The following PRAM1 variants were observed in gnomAD, a reference collection of about 807,000 sequenced individuals.
PRAM1 encodes PML-RARA regulated adaptor molecule 1.
Under a neutral mutation model 55.3 loss-of-function variants are expected in PRAM1, and 41 were observed. That is an observed-to-expected ratio of 0.74 (90% CI 0.58 to 0.96). PRAM1 has a LOEUF of 0.96. PRAM1 is among the 40% of genes least tolerant of loss of function. The probability of loss-of-function intolerance (pLI) is 0.00; values close to 1 mark genes in which losing one functional copy is unlikely to be tolerated. For missense variants in PRAM1, 898 were observed against 892.7 expected, an observed-to-expected ratio of 1.01 and a Z score of -0.08; for synonymous variants, 401 against 387.1, an observed-to-expected ratio of 1.04 and a Z score of -0.42.
At chr19:8,497,116 T>G (rs1291361473) in intron 4 of PRAM1, among the ~76,000 whole-genome samples, 2 of 151,522 alleles carry the variant, frequency 1.3e-5, no homozygotes, top group Non-Finnish European at 2.9e-5. Flanking sequence ...GGCGGCTCTG[T>G]CATGCCCTTG....
rs200799156 is a variant in PRAM1 at position 8,499,489 on chromosome 19, G to T, written c.319C>A (p.Pro107Thr). The T allele has an allele frequency of 1.3e-6, 2 of 1,596,554 alleles. No individual in the cohort carries two copies. Among genetic ancestry groups the T allele is most frequent in the East Asian group, 2.2e-5 (1 of 44,772 alleles). ...AGGTCAGTGACCTCAGGCGGCGGGG[G>T]CTTCTTGGGGAGGTCAGTGACCTCA... Reference protein sequence around the residue: ...PPEVTDLPKKPPPPEVTDLPK... With the variant: ...PPEVTDLPKKTPPPEVTDLPK... Residue 107 changes from proline (P) to threonine (T), a missense_variant, in exon 2 of 10, where the codon CCC (proline) becomes ACC (threonine). This residue lies in a region of PRAM1 where 30 missense variants were observed against 44.6 expected (regional missense o/e 0.67). Transcript: ENST00000423345.
chr19:8,496,311 G>T (rs1281935497), intron 4 of PRAM1, among the ~76,000 whole-genome samples: 1 of 152,176 alleles, frequency 6.6e-6, no homozygotes, highest in Non-Finnish European at 1.5e-5. Context: ...CTACTTGGGA[G>T]GCTGAGGCAG....
chr19:8,498,344 C>A, intron 2 of PRAM1, 32 bp downstream of exon 2: 1 of 1,588,830 alleles, frequency 6.3e-7, no homozygotes, highest in Non-Finnish European at 8.6e-7. Context: ...CCTCAGCCCC[C>A]GCTCCTGCCG....
rs1443187531 is a variant in PRAM1 at position 8,498,451 on chromosome 19, G to T, written c.1357C>A (p.Pro453Thr). The T allele has an allele frequency of 1.9e-6, 3 of 1,583,606 alleles. No homozygotes were observed. Among genetic ancestry groups the T allele is most frequent in the Non-Finnish European group, 2.6e-6 (3 of 1,164,738 alleles). ...GGGGGCAGCGGGGGCTTGGCTGGAGGGTGTCCCAGGCTGCTGGCAGGGGGC... is the reference window on the plus strand; with the variant it reads ...GGGGGCAGCGGGGGCTTGGCTGGAGTGTGTCCCAGGCTGCTGGCAGGGGGC... ...PLPPASSLGH[P>T]PAKPPLPPGP... Residue 453 changes from proline (P) to threonine (T), a missense_variant, in exon 2 of 10, where the codon CCT becomes ACT. This residue lies in a region of PRAM1 where 787 missense variants were observed against 735.4 expected (regional missense o/e 1.07). Coordinates refer to ENST00000423345, the MANE Select transcript of PRAM1 (RefSeq NM_032152.5).
intron 4 of PRAM1, among the ~76,000 whole-genome samples, chr19:8,494,488 G>A (rs936566143): frequency 6.6e-6 from 1 of 152,180 alleles, no homozygotes; most frequent in Non-Finnish European, 1.5e-5. Flanking sequence ...CAGGCCCTCT[G>A]AGGCTGTCAG....
chr19:8,492,954 G>A (rs553891132), intron 4 of PRAM1, among the ~76,000 whole-genome samples: 6 of 152,250 alleles, frequency 3.9e-5, no homozygotes, highest in Admixed American at 6.5e-5. Flanking sequence ...TCAAGATGGC[G>A]CCGCTGCACT....
chr19:8,490,286 G>GC lies in PRAM1; in HGVS notation c.1975+51dup. The GC allele has an allele frequency of 1.9e-6, 3 of 1,613,614 alleles. No individual in the cohort carries two copies. Among genetic ancestry groups the GC allele is most frequent in the Non-Finnish European group, 2.5e-6 (3 of 1,179,730 alleles). ...CCCCAGAAGCCCAATAGTGAGCAGCGCCCCCGGGGAATCGCCAGGGTCCCT... is the reference window on the plus strand; with the variant it reads ...CCCCAGAAGCCCAATAGTGAGCAGCGCCCCCCGGGGAATCGCCAGGGTCCCT... On this transcript the variant is annotated intron_variant, in intron 9 of 9. Transcript: ENST00000423345. The surrounding 1 kb of genome is among the most constrained non-coding windows in gnomAD (Gnocchi z 7.3).
chr19:8,495,741 G>C (rs1387562786), intron 4 of PRAM1, among the ~76,000 whole-genome samples: 1 of 151,282 alleles, frequency 6.6e-6, no homozygotes, highest in Non-Finnish European at 1.5e-5. Flanking sequence ...GCAGGGAGTG[G>C]AGCGTACAGA....
intron 4 of PRAM1, chr19:8,491,445 C>T: frequency 2.0e-6 from 1 of 507,948 alleles, no homozygotes; most frequent in South Asian, 2.1e-5. Context: ...GTGGGCCAGG[C>T]TGGTCTTGAA....
At position 8,490,518 on chromosome 19, in the gene PRAM1, A is replaced by G. The variant is rs1391033871; in HGVS notation, c.1907-9T>C. 6.2e-7 allele frequency: 1 copy of G among 1,609,900 alleles called. No homozygotes were observed. Among genetic ancestry groups the G allele is most frequent in the Non-Finnish European group, 8.5e-7 (1 of 1,178,394 alleles). ...TCTGGGCACGTAGCCATCTGTGGAG[A>G]GAGTGGGCATGGTGGGTTCTGAGGC... On this transcript the variant is annotated splice_polypyrimidine_tract_variant and intron_variant, in intron 7 of 9. Coordinates refer to ENST00000423345, the MANE Select transcript of PRAM1 (RefSeq NM_032152.5). The surrounding 1 kb of genome is among the most constrained non-coding windows in gnomAD (Gnocchi z 7.3).
At chr19:8,497,109 G>A (rs757679221) in intron 4 of PRAM1, among the ~76,000 whole-genome samples, 2 of 151,872 alleles carry the variant, frequency 1.3e-5, no homozygotes, top group South Asian at 4.2e-4. Context: ...ACCCAGGGGC[G>A]GCTCTGTCAT....
rs1971654722 is a variant in PRAM1 at position 8,493,319 on chromosome 19, G to T, written c.1577-2162C>A. Among the ~76,000 whole-genome samples, 2 of 152,196 alleles carry T rather than the reference G, an allele frequency of 1.3e-5. No individual in the cohort carries two copies. Among genetic ancestry groups the T allele is most frequent in the South Asian group, 2.1e-4 (1 of 4,828 alleles). On this transcript the variant is annotated intron_variant, in intron 4 of 9. Transcript: ENST00000423345. This position sits in a 1 kb window ranked among gnomAD's most constrained non-coding sequence, Gnocchi z 4.1. Reference sequence around the variant, plus strand: ...GCCCAAGGAGCAGCACCTGAATCGTGCCCGCCAGATACCAGGCATGGCCAT... The same window carrying T: ...GCCCAAGGAGCAGCACCTGAATCGTTCCCGCCAGATACCAGGCATGGCCAT...
chr19:8,495,210 C>T (rs1971682108), intron 4 of PRAM1, among the ~76,000 whole-genome samples: 1 of 152,164 alleles, frequency 6.6e-6, no homozygotes, highest in African/African-American at 2.4e-5. Flanking sequence ...CGCGATTCTC[C>T]TGCCTCAGCT....
chr19:8,495,075 G>T (rs1438509470), intron 4 of PRAM1, among the ~76,000 whole-genome samples: 1 of 151,922 alleles, frequency 6.6e-6, no homozygotes. Flanking sequence ...GAATAGCTGG[G>T]ATGACAGGTG....
Position 8,491,008 on chromosome 19 carries a change from A to G in PRAM1, c.1635-13T>C. The G allele has an allele frequency of 6.2e-7, 1 of 1,613,186 alleles. No homozygotes were observed. Among genetic ancestry groups the G allele is most frequent in the Non-Finnish European group, 8.5e-7 (1 of 1,179,738 alleles). On this transcript the variant is annotated splice_polypyrimidine_tract_variant and intron_variant, in intron 5 of 9. Transcript: ENST00000423345. ...ATCCTTCTCCTTCCTGATAGCCCCCACCAAGGAATTGTGTGCTCGTGAGCA... is the reference window on the plus strand; with the variant it reads ...ATCCTTCTCCTTCCTGATAGCCCCCGCCAAGGAATTGTGTGCTCGTGAGCA...
In PRAM1 at chr19:8,498,220, C is replaced by T; in HGVS notation, c.1499+3G>A. The T allele has an allele frequency of 1.2e-6, 2 of 1,611,710 alleles. No individual in the cohort carries two copies. Among genetic ancestry groups the T allele is most frequent in the South Asian group, 1.1e-5 (1 of 90,664 alleles). ...CCCACCTCCGCTTCCTCCCCACACT[C>T]ACTGCGGGATGTCTTCAGGCTGTCG... On this transcript the variant is annotated splice_donor_region_variant and intron_variant, in intron 3 of 9. Coordinates refer to ENST00000423345, the MANE Select transcript of PRAM1 (RefSeq NM_032152.5).
Position 8,490,109 on chromosome 19 carries a change from C to CT in PRAM1, c.*79dup. The stretch of plus-strand genomic sequence containing the variant: ...GGTACAAGCCCAGGCAGCTCTGTGA[C>CT]TTTCCCGCGCCGGGATCCAGGGCTC... On this transcript the variant is annotated 3_prime_UTR_variant, in exon 10 of 10. Transcript: ENST00000423345. The surrounding 1 kb of genome is among the most constrained non-coding windows in gnomAD (Gnocchi z 7.3). The CT allele has an allele frequency of 7.2e-7, 1 of 1,397,842 alleles. No homozygotes were observed. Among genetic ancestry groups the CT allele is most frequent in the Middle Eastern group, 2.1e-4 (1 of 4,656 alleles). 86.6% of individuals were successfully genotyped at this position (1,397,842 alleles called of 1,614,324 possible).
At position 8,490,255 on chromosome 19, in the gene PRAM1, C is replaced by A; in HGVS notation, c.1976-29G>T. On this transcript the variant is annotated intron_variant, in intron 9 of 9. Coordinates refer to ENST00000423345, the MANE Select transcript of PRAM1 (RefSeq NM_032152.5). This position sits in a 1 kb window ranked among gnomAD's most constrained non-coding sequence, Gnocchi z 7.3. ...CCGAGGAAGCGTGACTTCCATGGAC[C>A]CCTCTCCCCAGAAGCCCAATAGTGA... is the stretch of plus-strand genomic sequence containing the variant. The A allele has an allele frequency of 6.2e-7, 1 of 1,610,694 alleles. No homozygotes were observed. The highest frequency in any genetic ancestry group is 8.5e-7 in the Non-Finnish European group (1 of 1,177,940).
chr19:8,490,602 T>C lies in PRAM1; in HGVS notation c.1898A>G (p.Lys633Arg), dbSNP rs781778918. 3 of 1,586,002 alleles carry C rather than the reference T, an allele frequency of 1.9e-6. No homozygotes were observed. The highest frequency in any genetic ancestry group is 2.6e-6 in the Non-Finnish European group (3 of 1,166,112). The change falls in exon 7 of 10, where the codon AAA (lysine) becomes AGA (arginine). Residue 633 changes from lysine (K) to arginine (R), a missense_variant. Coordinates refer to ENST00000423345, the MANE Select transcript of PRAM1 (RefSeq NM_032152.5). The surrounding 1 kb of genome is among the most constrained non-coding windows in gnomAD (Gnocchi z 7.3). ...SNEEMLCRDP[K>R]GKYGYVPRTA... ...GGGCCGGGCGCACTCACATTTGCCT[T>C]TGGGGTCCCGGCACAGCATCTCCTC... is the stretch of plus-strand genomic sequence containing the variant.
Sources: gnomAD v4.1 joint callset for allele counts (sites outside exome capture counted in the v4.1 genomes callset) on GRCh38, gnomAD v4.1.1 for gene constraint, gnomAD v4.1.1 regional missense constraint, Gnocchi (gnomAD v3.1) non-coding constraint, MANE v1.5 for transcripts, NCBI Gene and HGNC (gene_info 2026-07-23, HGNC 2026-07-21) for gene names.